Variants in SIPA1L3 observed in about 807,000 individuals in gnomAD.
SIPA1L3 encodes signal induced proliferation associated 1 like 3.
Under a neutral mutation model 150.1 loss-of-function variants are expected in SIPA1L3, and 59 were observed. The ratio of observed to expected loss-of-function variants is 0.39; its 90% confidence interval spans 0.32 to 0.49. The LOEUF (loss-of-function observed/expected upper bound fraction) is 0.49, where lower values mean the gene tolerates loss of function less well. Among genes scored for constraint, SIPA1L3 ranks in the 20% least tolerant of loss-of-function variants. SIPA1L3 has a pLI of 0.86. For missense variants in SIPA1L3, 2,211 were observed against 2,489.5 expected (o/e 0.89, Z 2.38); for synonymous variants, 1,070 against 1,077.6 (o/e 0.99, Z 0.14).
intron 1 of SIPA1L3, among the ~76,000 whole-genome samples, chr19:37,949,129 C>T (rs2046738950): frequency 6.6e-6 from 1 of 152,214 alleles, no homozygotes; most frequent in Non-Finnish European, 1.5e-5. Context: ...CTCCTGGCAT[C>T]AGGATCGATA....
At chr19:38,040,492 C>T (rs765633900) in intron 2 of SIPA1L3, among the ~76,000 whole-genome samples, 2 of 152,050 alleles carry the variant, frequency 1.3e-5, no homozygotes, top group Admixed American at 6.6e-5. Flanking sequence ...GCTGAGTAAA[C>T]GTGAACATAT....
intron 15 of SIPA1L3, among the ~76,000 whole-genome samples, chr19:38,177,156 T>C (rs950964307): frequency 2.5e-4 from 38 of 151,894 alleles, no homozygotes; most frequent in Admixed American, 1.5e-3. Flanking sequence ...GGTCAGGAGA[T>C]CGAGACCACC....
chr19:37,941,968 A>G (rs1273120744), intron 1 of SIPA1L3, among the ~76,000 whole-genome samples: 3 of 152,204 alleles, frequency 2.0e-5, no homozygotes, highest in Non-Finnish European at 2.9e-5. Flanking sequence ...AATCATTTAG[A>G]TGCTTTGGGA....
chr19:38,164,548 G>A lies in SIPA1L3; in HGVS notation c.3850G>A (p.Asp1284Asn), dbSNP rs1568586220. ...LSSNASSSHSDDRWFDPLDPL... is the reference protein window; with the variant it reads ...LSSNASSSHSNDRWFDPLDPL... ...CAGCAACGCATCCAGCAGCCACAGC[G>A]ACGACCGCTGGTTCGACCCCCTGGA... Residue 1284 changes from aspartate to asparagine, a missense_variant, in exon 15 of 22, where the codon GAC (aspartate) becomes AAC (asparagine). Asp to Asn is a conservative substitution (Grantham distance 23, BLOSUM62 1). This residue lies in a region of SIPA1L3 where 806 missense variants were observed against 870.1 expected (regional missense o/e 0.93). Transcript: ENST00000222345. This position sits in a 1 kb window ranked among gnomAD's most constrained non-coding sequence, Gnocchi z 4.1. 3.1e-6 allele frequency: 5 copies of A among 1,614,052 alleles called. No homozygotes were observed. The highest frequency in any genetic ancestry group is 1.1e-5 in the South Asian group (1 of 91,080).
intron 19 of SIPA1L3, 91 bp downstream of exon 19, chr19:38,198,623 C>A: frequency 1.6e-6 from 2 of 1,225,830 alleles, no homozygotes; most frequent in Non-Finnish European, 2.1e-6. Flanking sequence ...TGCAGGGATA[C>A]CCACTCAGGT....
At chr19:38,033,673 ATGTGTG>A (rs55896571) in intron 2 of SIPA1L3, among the ~76,000 whole-genome samples, 9,213 of 29,456 alleles carry the variant, frequency 0.31, 972 homozygotes, top group African/African-American at 0.42. Context: ...AGAGATACGT[ATGTGTG>A]TGTGTGTGTG....
At chr19:38,091,785 T>C (rs948077218) in intron 4 of SIPA1L3, among the ~76,000 whole-genome samples, 1 of 152,028 alleles carries the variant, frequency 6.6e-6, no homozygotes, top group Non-Finnish European at 1.5e-5. Context: ...AGGCGGGGCG[T>C]GGAGGCTCAC....
intron 2 of SIPA1L3, among the ~76,000 whole-genome samples, chr19:38,057,723 T>G (rs1325069251): frequency 6.6e-6 from 1 of 152,022 alleles, no homozygotes; most frequent in Non-Finnish European, 1.5e-5. Flanking sequence ...CTTGGCTCAC[T>G]GCAAGCTCCG....
At chr19:38,064,875 G>C (rs1279046790) in intron 2 of SIPA1L3, among the ~76,000 whole-genome samples, 1 of 152,162 alleles carries the variant, frequency 6.6e-6, no homozygotes, top group Admixed American at 6.5e-5. Flanking sequence ...GCCTGCCCAA[G>C]GTCTAGCTAG....
chr19:38,109,316 C>T (rs1970688959), intron 7 of SIPA1L3: 1 of 152,158 alleles, frequency 6.6e-6, no homozygotes, highest in Non-Finnish European at 1.5e-5. Context: ...TTTATAAAAC[C>T]ATCAGATCTC....
chr19:37,921,566 C>G (rs2046457571), intron 1 of SIPA1L3, among the ~76,000 whole-genome samples: 1 of 152,042 alleles, frequency 6.6e-6, no homozygotes, highest in African/African-American at 2.4e-5. Context: ...ACTTCCACCC[C>G]CAGCACCATC....
intron 15 of SIPA1L3, among the ~76,000 whole-genome samples, chr19:38,174,824 ACT>A (rs1377433073): frequency 6.8e-6 from 1 of 147,798 alleles, no homozygotes. Flanking sequence ...ACAGAACTAG[ACT>A]CTTTCTCAAA....
chr19:38,065,412 T>A (rs1320397801), intron 2 of SIPA1L3, among the ~76,000 whole-genome samples: 1 of 56,000 alleles, frequency 1.8e-5, no homozygotes, highest in Non-Finnish European at 3.9e-5. Context: ...ACATGCTGAC[T>A]TTTTTTTTTT....
intron 6 of SIPA1L3, among the ~76,000 whole-genome samples, chr19:38,105,506 G>A (rs1428941858): frequency 6.6e-6 from 1 of 152,154 alleles, no homozygotes; most frequent in Non-Finnish European, 1.5e-5. Context: ...TCAGTAAGCA[G>A]GTTTGCCTCT....
chr19:38,071,448 C>A (rs1007586013), intron 2 of SIPA1L3, among the ~76,000 whole-genome samples: 2 of 152,086 alleles, frequency 1.3e-5, no homozygotes, highest in Admixed American at 1.3e-4. Flanking sequence ...CACCATGCCT[C>A]GCTAATTTTT....
chr19:38,071,277 C>G (rs1969718562), intron 2 of SIPA1L3, among the ~76,000 whole-genome samples: 1 of 151,958 alleles, frequency 6.6e-6, no homozygotes, highest in South Asian at 2.1e-4. Context: ...GCCTGCCTAC[C>G]CTACCTACCT....
chr19:37,986,725 C>T (rs1345366553), intron 1 of SIPA1L3, among the ~76,000 whole-genome samples: 1 of 152,192 alleles, frequency 6.6e-6, no homozygotes, highest in Non-Finnish European at 1.5e-5. Context: ...TGCCTGCCTT[C>T]CCCTTTCCCC....
chr19:38,088,192 CTTTAACTTTACGGCTGAAAAT>C (rs1483658196), intron 3 of SIPA1L3, among the ~76,000 whole-genome samples: 1 of 151,976 alleles, frequency 6.6e-6, no homozygotes, highest in Non-Finnish European at 1.5e-5. Flanking sequence ...CTGGGTCCAC[CTTTAACTTTACGGCTGAAAAT>C]GCTATCTAGC....
At chr19:38,162,917 G>A (rs914017296) in intron 14 of SIPA1L3, among the ~76,000 whole-genome samples, 2 of 152,158 alleles carry the variant, frequency 1.3e-5, no homozygotes, top group Non-Finnish European at 2.9e-5. Flanking sequence ...ATTCCATCAC[G>A]TGGCCACACC....
Sources: allele counts gnomAD v4.1 joint callset (sites outside exome capture counted in the v4.1 genomes callset), GRCh38; gene constraint gnomAD v4.1.1; regional missense constraint gnomAD v4.1.1; non-coding constraint Gnocchi (gnomAD v3.1); transcripts MANE v1.5; gene names NCBI Gene and HGNC (gene_info 2026-07-23, HGNC 2026-07-21).